The following MTUS1 variants were observed in gnomAD, a reference collection of about 807,000 sequenced individuals.
MTUS1 encodes microtubule-associated tumor suppressor 1.
MTUS1 carries 109 observed loss-of-function variants against 120.8 expected under a neutral mutation model. The ratio of observed to expected loss-of-function variants is 0.90; its 90% CI spans 0.77 to 1.06. The LOEUF (loss-of-function observed/expected upper bound fraction) is 1.06, where lower values mean the gene tolerates loss of function less well. Among genes scored for constraint, MTUS1 ranks in the 50% least tolerant of loss-of-function variants. The pLI is 0.00. For synonymous variants in MTUS1, 737 were observed against 550.5 expected (o/e 1.34, Z -4.74); for missense variants, 2,210 against 1,486.3 (o/e 1.49, Z -8.01).
Position 17,767,078 on chromosome 8 carries a change from G to C in MTUS1, c.-154-11117C>G, listed in dbSNP as rs111582566. ...ATAGTGTGGGTGGGGAGAATGAATG[G>C]AAATCACTCCAGAATAATGACAAAT... On this transcript the variant is annotated intron_variant, in intron 1 of 14. Transcript: ENST00000693296. 8.2e-4 allele frequency among the ~76,000 whole-genome samples: 123 copies of C among 150,686 alleles called. 1 individual carries two copies. Among genetic ancestry groups the C allele is most frequent in the African/African-American group, 3.0e-3 (121 of 41,008 alleles).
intron 7 of MTUS1, among the ~76,000 whole-genome samples, chr8:17,683,644 G>C (rs1474383503): frequency 6.6e-6 from 1 of 151,708 alleles, no homozygotes; most frequent in Non-Finnish European, 1.5e-5. Flanking sequence ...TTAAAACTGT[G>C]ATTTAAAAAA....
At position 17,659,303 on chromosome 8, in the gene MTUS1, T is replaced by A. The variant is rs186420002; in HGVS notation, c.2906-3238A>T. Among the ~76,000 whole-genome samples the A allele has an allele frequency of 3.1e-3, 467 of 152,246 alleles. 1 individual carries two copies. The highest frequency in any genetic ancestry group is 0.011 in the African/African-American group (437 of 41,552). The stretch of plus-strand genomic sequence containing the variant: ...AGAAGTGGCAGGACCAGGCCAGACC[T>A]TGGGGCCCAGGGAGTGGCACTCAGG... On this transcript the variant is annotated intron_variant, in intron 8 of 14. Coordinates refer to ENST00000693296, the MANE Select transcript of MTUS1 (RefSeq NM_001363059.2).
At chr8:17,679,192 AT>A (rs1813743012) in intron 7 of MTUS1, among the ~76,000 whole-genome samples, 1 of 60,858 alleles carries the variant, frequency 1.6e-5, no homozygotes, top group Admixed American at 2.0e-4. Flanking sequence ...ATAACAAAAA[AT>A]ATATATACAC....
At chr8:17,647,934 G>T (rs1321488267) in intron 13 of MTUS1, among the ~76,000 whole-genome samples, 1 of 152,282 alleles carries the variant, frequency 6.6e-6, no homozygotes, top group Admixed American at 6.5e-5. Context: ...TTTGGAACCT[G>T]ATTGTTCTTA....
At chr8:17,653,125 G>A in intron 12 of MTUS1, 61 bp downstream of exon 12, 1 of 912,728 alleles carries the variant, frequency 1.1e-6, no homozygotes, top group Non-Finnish European at 1.7e-6. Flanking sequence ...GTACTTGAAT[G>A]ACTCTAAAAG....
chr8:17,760,307 TTG>T (rs1308572322), intron 1 of MTUS1, among the ~76,000 whole-genome samples: 1 of 152,134 alleles, frequency 6.6e-6, no homozygotes. Context: ...TACTTAAGGA[TTG>T]TTTTTATATA....
intron 6 of MTUS1, chr8:17,704,063 C>G (rs952206832): frequency 6.6e-6 from 1 of 152,670 alleles, no homozygotes; most frequent in Non-Finnish European, 1.5e-5. Flanking sequence ...TACTCTTTCT[C>G]TTTATTTCTC....
At chr8:17,680,837 G>C (rs1044352840) in intron 7 of MTUS1, among the ~76,000 whole-genome samples, 1 of 152,148 alleles carries the variant, frequency 6.6e-6, no homozygotes. Context: ...GACACATGAA[G>C]GAAGGGTGGA....
chr8:17,709,130 C>A (rs1585855795), intron 6 of MTUS1, among the ~76,000 whole-genome samples: 2 of 130,936 alleles, frequency 1.5e-5, no homozygotes, highest in African/African-American at 3.2e-5. Flanking sequence ...GAGCAAGACT[C>A]TGCCTCAAAA....
chr8:17,645,721 G>T lies in MTUS1; in HGVS notation c.*205C>A, dbSNP rs1035071298. On this transcript the variant is annotated 3_prime_UTR_variant, in exon 15 of 15. Transcript: ENST00000693296. ...GAAATCTTTTTTTAAATCTTTTTTTGGAGGAATCTTTTGGACGGAGGCAAA... is the reference window on the plus strand; with the variant it reads ...GAAATCTTTTTTTAAATCTTTTTTTTGAGGAATCTTTTGGACGGAGGCAAA... 2 of 552,644 alleles carry T rather than the reference G, an allele frequency of 3.6e-6. No individual in the cohort carries two copies. The highest frequency in any genetic ancestry group is 4.2e-5 in the South Asian group (1 of 23,734). 34.2% of individuals were successfully genotyped at this position (552,644 alleles called of 1,614,324 possible). A position where few individuals can be genotyped will look rare whatever the true frequency, so the allele number is the denominator to read the frequency against.
intron 2 of MTUS1, among the ~76,000 whole-genome samples, chr8:17,750,456 C>T (rs1323570211): frequency 6.6e-6 from 1 of 152,178 alleles, no homozygotes; most frequent in Non-Finnish European, 1.5e-5. Flanking sequence ...AGTGAATCTT[C>T]AGCAAATCAC....
chr8:17,655,541 T>C (rs1354322998), intron 9 of MTUS1, among the ~76,000 whole-genome samples: 6 of 152,072 alleles, frequency 3.9e-5, no homozygotes, highest in Admixed American at 2.0e-4. Flanking sequence ...CTGGCCAACA[T>C]GGTGAAACCC....
intron 8 of MTUS1, among the ~76,000 whole-genome samples, chr8:17,662,128 A>G (rs775692837): frequency 6.6e-6 from 1 of 151,884 alleles, no homozygotes; most frequent in Non-Finnish European, 1.5e-5. Flanking sequence ...AGCTTAGGAG[A>G]GATTTATGGT....
chr8:17,723,523 T>G (rs754306950), intron 4 of MTUS1, 149 bp downstream of exon 4: 1 of 782,886 alleles, frequency 1.3e-6, no homozygotes, highest in South Asian at 1.5e-5. Context: ...ATTTTTTTTC[T>G]GCCAAACTTT....
At chr8:17,677,533 T>C (rs1335884686) in intron 7 of MTUS1, among the ~76,000 whole-genome samples, 1 of 152,104 alleles carries the variant, frequency 6.6e-6, no homozygotes, top group Non-Finnish European at 1.5e-5. Flanking sequence ...CAAAGAAAAA[T>C]TGTGTGAAAT....
Position 17,645,015 on chromosome 8 carries a change from G to C in MTUS1, c.*911C>G, listed in dbSNP as rs1805510826. 6.6e-6 allele frequency: 1 copy of C among 152,138 alleles called. No homozygotes were observed. The highest frequency in any genetic ancestry group is 1.5e-5 in the Non-Finnish European group (1 of 67,982). The allele number at this position is 152,138 out of a possible 1,614,324, so 9.4% of individuals were successfully genotyped here. ...AGGGTAGATCAAAGGTAAAAATAAG[G>C]TGGAAAAACCCATTGGTACTTCCCT... is the stretch of plus-strand genomic sequence containing the variant. On this transcript the variant is annotated 3_prime_UTR_variant, in exon 15 of 15. Coordinates refer to ENST00000693296, the MANE Select transcript of MTUS1 (RefSeq NM_001363059.2).
intron 1 of MTUS1, among the ~76,000 whole-genome samples, chr8:17,786,786 G>A (rs1302292568): frequency 6.6e-6 from 1 of 152,138 alleles, no homozygotes; most frequent in African/African-American, 2.4e-5. Context: ...GATATTAAGA[G>A]TTAAGGTGCT....
chr8:17,791,537 C>A (rs1192600111), intron 1 of MTUS1, among the ~76,000 whole-genome samples: 1 of 152,148 alleles, frequency 6.6e-6, no homozygotes, highest in Non-Finnish European at 1.5e-5. Context: ...AAAGAGGCAA[C>A]ATAATTTACA....
intron 1 of MTUS1, among the ~76,000 whole-genome samples, chr8:17,760,254 G>C (rs1227178970): frequency 6.6e-6 from 1 of 151,842 alleles, no homozygotes; most frequent in African/African-American, 2.4e-5. Context: ...TTTCAAATTG[G>C]TGAGCAAAGA....
Sources: gnomAD v4.1 joint callset for allele counts (sites outside exome capture counted in the v4.1 genomes callset) on GRCh38, gnomAD v4.1.1 for gene constraint, MANE v1.5 for transcripts, NCBI Gene and HGNC (gene_info 2026-07-23, HGNC 2026-07-21) for gene names.